The following NUP133 variants were observed in gnomAD, a reference collection of about 807,000 sequenced individuals.
The protein encoded by NUP133 is nucleoporin 133, also known as nuclear pore complex protein Nup133.
NUP133 carries 66 observed loss-of-function variants against 146.2 expected under a neutral mutation model. The observed-to-expected ratio is 0.45, with a 90% CI of 0.37 to 0.55. The LOEUF (loss-of-function observed/expected upper bound fraction) is 0.55, where lower values mean the gene tolerates loss of function less well. Ranked by LOEUF, NUP133 falls within the 20% of genes least tolerant of loss-of-function variation. The pLI is 0.00. For missense variants in NUP133, 1,277 were observed against 1,374.8 expected (o/e 0.93, Z 1.12); for synonymous variants, 521 against 498.8 (o/e 1.04, Z -0.59).
chr1:229,443,677 G>A (rs78723398), intron 25 of NUP133, among the ~76,000 whole-genome samples: 2,549 of 150,190 alleles, frequency 0.017, 74 homozygotes, highest in African/African-American at 0.059. Context: ...AAAACCGCAC[G>A]CCTTATATAT....
At position 229,465,419 on chromosome 1, in the gene NUP133, C is replaced by G. The variant is rs1305545648; in HGVS notation, c.2299+1G>C. 2 of 1,587,458 alleles carry G rather than the reference C, an allele frequency of 1.3e-6. No homozygotes were observed. Among genetic ancestry groups the G allele is most frequent in the Non-Finnish European group, 1.7e-6 (2 of 1,156,462 alleles). ...CAACTGTTAATAAATCAGTATATTACCCGTCCATGGAACATATTCAGGTTC... is the reference window on the plus strand; with the variant it reads ...CAACTGTTAATAAATCAGTATATTAGCCGTCCATGGAACATATTCAGGTTC... On this transcript the variant is annotated splice_donor_variant, in intron 17 of 25. Coordinates refer to ENST00000261396, the MANE Select transcript of NUP133 (RefSeq NM_018230.3). LOFTEE classifies it high-confidence loss of function.
At position 229,441,262 on chromosome 1, in the gene NUP133, G is replaced by T; in HGVS notation, c.*642C>A. On this transcript the variant is annotated 3_prime_UTR_variant, in exon 26 of 26. Coordinates refer to ENST00000261396, the MANE Select transcript of NUP133 (RefSeq NM_018230.3). ...AACATCAACAGTAATTTCTAGATAG[G>T]TTAGAAAACCACATAAACGTTTCAT... The T allele has an allele frequency of 2.7e-6, 1 of 365,102 alleles. No homozygotes were observed. The highest frequency in any genetic ancestry group is 7.3e-5 in the East Asian group (1 of 13,740). 22.6% of individuals were successfully genotyped at this position (365,102 alleles called of 1,614,324 possible).
rs1234006563 is a variant in NUP133 at position 229,441,871 on chromosome 1, G to T, written c.*33C>A. ...ATTTGTATAAGGACACACTTATACA[G>T]ATTTCATAAACAATGGCCATTTTTA... On this transcript the variant is annotated 3_prime_UTR_variant, in exon 26 of 26. Transcript: ENST00000261396. 4.6e-6 allele frequency: 7 copies of T among 1,521,612 alleles called. No homozygotes were observed. In the South Asian group the frequency reaches 9.0e-5, roughly 19 times the overall value. The allele number at this position is 1,521,612 out of a possible 1,614,324, so 94.3% of individuals were successfully genotyped here. A position where few individuals can be genotyped will look rare whatever the true frequency, so the allele number is the denominator to read the frequency against.
In NUP133 at chr1:229,465,447, T is replaced by C. The variant is rs1264350630; in HGVS notation, c.2272A>G (p.Lys758Glu). Residue 758 changes from lysine (K) to glutamate (E), a missense_variant, in exon 17 of 26, where the codon AAA becomes GAA. Physicochemically the swap from Lys to Glu is moderately conservative, Grantham distance 56. Coordinates refer to ENST00000261396, the MANE Select transcript of NUP133 (RefSeq NM_018230.3). ...GTCCATGGAACATATTCAGGTTCTT[T>C]TTCTAGTGATTCTTCTCTTCTATAC... is the stretch of plus-strand genomic sequence containing the variant. Reference protein sequence around the residue: ...SLYRREESLEKEPEYVPWTAT... With the variant: ...SLYRREESLEEEPEYVPWTAT... 2 of 1,613,216 alleles carry C rather than the reference T, an allele frequency of 1.2e-6. No individual in the cohort carries two copies. Among genetic ancestry groups the C allele is most frequent in the Non-Finnish European group, 8.5e-7 (1 of 1,179,184 alleles).
intron 15 of NUP133, among the ~76,000 whole-genome samples, chr1:229,470,034 C>CA (rs1017546354): frequency 2.0e-5 from 3 of 151,834 alleles, no homozygotes; most frequent in African/African-American, 7.3e-5. Context: ...CCCCTGCCCC[C>CA]AGAAAAAAGA....
At chr1:229,492,560 C>T (rs1447362887) in intron 8 of NUP133, among the ~76,000 whole-genome samples, 9 of 151,996 alleles carry the variant, frequency 5.9e-5, no homozygotes, top group Non-Finnish European at 1.0e-4. Context: ...TCCTTCTTCA[C>T]GGTTCTCTTC....
chr1:229,466,546 C>T (rs1660831605), intron 16 of NUP133, 88 bp downstream of exon 16: 3 of 1,407,534 alleles, frequency 2.1e-6, no homozygotes, highest in Admixed American at 1.9e-5. Flanking sequence ...ACATTATCGG[C>T]AATACAGAGT....
At chr1:229,455,377 T>C (rs1660537821) in intron 21 of NUP133, among the ~76,000 whole-genome samples, 1 of 152,026 alleles carries the variant, frequency 6.6e-6, no homozygotes, top group South Asian at 2.1e-4. Context: ...TGGGTACACA[T>C]GGTGAAACCC....
chr1:229,452,159 T>C (rs1199062265), intron 22 of NUP133, among the ~76,000 whole-genome samples: 1 of 152,214 alleles, frequency 6.6e-6, no homozygotes, highest in Non-Finnish European at 1.5e-5. Flanking sequence ...CTAGACCATG[T>C]AAACTGAGTT....
intron 25 of NUP133, among the ~76,000 whole-genome samples, chr1:229,443,094 C>A (rs1383821721): frequency 6.6e-6 from 1 of 152,092 alleles, no homozygotes; most frequent in South Asian, 2.1e-4. Flanking sequence ...ATGGTACGAT[C>A]GTAGCTCACT....
intron 12 of NUP133, among the ~76,000 whole-genome samples, chr1:229,478,264 A>C (rs1009353898): frequency 1.3e-5 from 2 of 152,210 alleles, no homozygotes; most frequent in Admixed American, 6.5e-5. Flanking sequence ...GAAAACTATT[A>C]TCCATTCATT....
At chr1:229,451,734 C>G (rs1571907103) in intron 22 of NUP133, among the ~76,000 whole-genome samples, 1 of 152,120 alleles carries the variant, frequency 6.6e-6, no homozygotes, top group East Asian at 1.9e-4. Flanking sequence ...TTACAGCACT[C>G]AAAAGATAAT....
chr1:229,493,667 G>A (rs988736333), intron 8 of NUP133, among the ~76,000 whole-genome samples: 4 of 152,202 alleles, frequency 2.6e-5, no homozygotes, highest in Admixed American at 2.6e-4. Flanking sequence ...GGATAATTTT[G>A]AGTAAAGGTG....
At chr1:229,479,120 C>G (rs1661147356) in intron 12 of NUP133, among the ~76,000 whole-genome samples, 1 of 152,106 alleles carries the variant, frequency 6.6e-6, no homozygotes, top group Non-Finnish European at 1.5e-5. Flanking sequence ...TATTACAGTA[C>G]AGTCATCTCT....
intron 22 of NUP133, among the ~76,000 whole-genome samples, chr1:229,452,133 G>C (rs189897108): frequency 9.9e-4 from 150 of 152,244 alleles, no homozygotes; most frequent in African/African-American, 3.1e-3. Flanking sequence ...AGAGGAAAGG[G>C]GTAAGGACAG....
intron 17 of NUP133, 32 bp from the exon 18 acceptor site, chr1:229,464,907 G>A: frequency 6.2e-7 from 1 of 1,610,376 alleles, no homozygotes; most frequent in Non-Finnish European, 8.5e-7. Context: ...TATGGTTAAA[G>A]TAAGGGATCT....
chr1:229,499,017 G>A, intron 5 of NUP133: 2 of 342,312 alleles, frequency 5.8e-6, no homozygotes, highest in South Asian at 4.5e-5. Context: ...TCTTGCCTCA[G>A]CCTCCTGAGC....
chr1:229,493,674 G>C (rs1189263864), intron 8 of NUP133, among the ~76,000 whole-genome samples: 2 of 152,322 alleles, frequency 1.3e-5, no homozygotes, highest in Non-Finnish European at 2.9e-5. Flanking sequence ...TTTGAGTAAA[G>C]GTGGAGAGGA....
At chr1:229,463,928 C>G (rs1406456379) in intron 18 of NUP133, among the ~76,000 whole-genome samples, 1 of 151,880 alleles carries the variant, frequency 6.6e-6, no homozygotes, top group East Asian at 1.9e-4. Context: ...GGTGGATCAC[C>G]TGAGGTCAGG....
Sources: gnomAD v4.1 joint callset for allele counts (sites outside exome capture counted in the v4.1 genomes callset) on GRCh38, gnomAD v4.1.1 for gene constraint, MANE v1.5 for transcripts, NCBI Gene and HGNC (gene_info 2026-07-23, HGNC 2026-07-21) for gene names.